MYH15: variants seen among roughly 807,000 people sequenced by gnomAD.
MYH15 encodes the protein myosin heavy chain 15, also known as myosin-15.
A neutral mutation model predicts 240.5 loss-of-function variants in MYH15; 227 were observed. That is an observed-to-expected ratio of 0.94 (90% CI 0.85 to 1.05). The LOEUF (loss-of-function observed/expected upper bound fraction) is 1.05, where lower values mean the gene tolerates loss of function less well. MYH15 is among the 50% of genes least tolerant of loss of function. MYH15 has a pLI of 0.00. For synonymous variants in MYH15, 785 were observed against 796.7 expected (o/e 0.99, Z 0.25); for missense variants, 2,217 against 2,247.5 (o/e 0.99, Z 0.27).
At chr3:108,548,798 T>C in the MYH15 span, among the ~76,000 whole-genome samples, 1 of 152,106 alleles carries the variant, frequency 6.6e-6, no homozygotes, top group Non-Finnish European at 1.5e-5. Context: ...AAGGTAGAAG[T>C]AGAAATTCAA....
intron 40 of MYH15, among the ~76,000 whole-genome samples, chr3:108,382,645 G>A (rs375785006): frequency 1.2e-4 from 18 of 152,272 alleles, no homozygotes; most frequent in Admixed American, 2.6e-4. Flanking sequence ...GAGGGAAGAC[G>A]TTTAAGATTG....
chr3:108,499,605 T>G (rs2083421261), intron 4 of MYH15, 123 bp from the exon 5 acceptor site: 3 of 944,106 alleles, frequency 3.2e-6, no homozygotes. Context: ...ATTAGCATCA[T>G]TTATAGTTAG....
chr3:108,491,972 G>C (rs1160012594), intron 9 of MYH15, among the ~76,000 whole-genome samples: 1 of 152,008 alleles, frequency 6.6e-6, no homozygotes, highest in Non-Finnish European at 1.5e-5. Flanking sequence ...CAGACACGGT[G>C]GTTCACACTT....
In MYH15 at chr3:108,505,681, G is replaced by C. The variant is rs571849441; in HGVS notation, c.195+42C>G. The C allele has an allele frequency of 4.5e-6, 5 of 1,101,044 alleles. No individual in the cohort carries two copies. In the East Asian group the frequency reaches 1.2e-4, roughly 27 times the overall value. The allele number at this position is 1,101,044 out of a possible 1,614,324, so 68.2% of individuals were successfully genotyped here. On this transcript the variant is annotated intron_variant, in intron 2 of 40. Coordinates refer to ENST00000693548, the MANE Select transcript of MYH15 (RefSeq NM_014981.3). The stretch of plus-strand genomic sequence containing the variant: ...AAATAATATATTTAGTTATTTGATA[G>C]AGAACATAGTCATCACTGCAATGAA...
At chr3:108,448,623 T>C (rs908762473) in intron 21 of MYH15, among the ~76,000 whole-genome samples, 2 of 151,930 alleles carry the variant, frequency 1.3e-5, no homozygotes, top group African/African-American at 4.8e-5. Context: ...ACAATGTAGG[T>C]ATAGAAGGAA....
chr3:108,513,653 TA>T (rs2107257659), upstream of MYH15, among the ~76,000 whole-genome samples: 1 of 152,236 alleles, frequency 6.6e-6, no homozygotes, highest in East Asian at 1.9e-4. Context: ...AAACTTAATC[TA>T]AGACTGACCC....
chr3:108,461,446 G>A (rs1262359589), intron 16 of MYH15, among the ~76,000 whole-genome samples: 1 of 152,088 alleles, frequency 6.6e-6, no homozygotes, highest in Admixed American at 6.6e-5. Flanking sequence ...TCAGAAACTT[G>A]GAGGCAAGTA....
rs1365872682 is a variant in MYH15 at position 108,439,760 on chromosome 3, T to G, written c.3052A>C (p.Lys1018Gln). ...KLSSLSKANL[K>Q]LEQQVDELEG... ...ACCTCATCAACTTGCTGTTCCAGCT[T>G]CAGATTTGCTTTGCTCAGGCTGCTG... Residue 1018 changes from lysine (K) to glutamine (Q), a missense_variant, in exon 24 of 41, where the codon AAG becomes CAG. Lys to Gln is a moderately conservative substitution (Grantham distance 53, BLOSUM62 1). Transcript: ENST00000693548. 3 of 1,605,454 alleles carry G rather than the reference T, an allele frequency of 1.9e-6. No individual in the cohort carries two copies. The highest frequency in any genetic ancestry group is 1.1e-5 in the South Asian group (1 of 89,376).
intron 7 of MYH15, among the ~76,000 whole-genome samples, chr3:108,495,279 T>C (rs1576268720): frequency 6.6e-6 from 1 of 152,256 alleles, no homozygotes; most frequent in Middle Eastern, 3.4e-3. Context: ...AAAAGCTACT[T>C]AAAAATACTT....
At chr3:108,533,674 G>A (rs1468915027), upstream of MYH15, among the ~76,000 whole-genome samples, 1 of 152,158 alleles carries the variant, frequency 6.6e-6, no homozygotes, top group Non-Finnish European at 1.5e-5. Context: ...GACTGCATAA[G>A]ACCTTAATCA....
chr3:108,483,207 A>C (rs2107594656), intron 11 of MYH15, among the ~76,000 whole-genome samples: 1 of 151,786 alleles, frequency 6.6e-6, no homozygotes, highest in African/African-American at 2.4e-5. Flanking sequence ...CTCCATAAAA[A>C]AAAAAAAAAA....
rs2082615631 is a variant in MYH15 at position 108,414,164 on chromosome 3, CAG to C, written c.4145+66_4145+67del. 3.3e-6 allele frequency: 5 copies of C among 1,509,362 alleles called. No homozygotes were observed. The South Asian group carries it at 4.8e-5, about 15-fold the overall frequency. The allele number at this position is 1,509,362 out of a possible 1,614,324, so 93.5% of individuals were successfully genotyped here. On this transcript the variant is annotated intron_variant, in intron 30 of 40. Transcript: ENST00000693548. The stretch of plus-strand genomic sequence containing the variant: ...AGTGCATACCATGAGGCCTTGGAGA[CAG>C]AGTCATTATTCTCATACTGCTCCAT...
At chr3:108,524,556 C>T (rs947126874) in intron 1 of MYH15, among the ~76,000 whole-genome samples, 1 of 151,710 alleles carries the variant, frequency 6.6e-6, no homozygotes, top group Non-Finnish European at 1.5e-5. Flanking sequence ...TTAAATATGC[C>T]TATCTTTTCT....
At chr3:108,438,555 G>A (rs998138065) in intron 24 of MYH15, among the ~76,000 whole-genome samples, 4 of 152,178 alleles carry the variant, frequency 2.6e-5, no homozygotes, top group African/African-American at 9.7e-5. Context: ...TGATGGTGTT[G>A]GGAGGTGGGC....
chr3:108,540,949 C>G, the MYH15 span, among the ~76,000 whole-genome samples: 1 of 151,748 alleles, frequency 6.6e-6, no homozygotes, highest in South Asian at 2.1e-4. Flanking sequence ...TTTATGAATA[C>G]AATGAACATA....
chr3:108,408,484 C>G, intron 31 of MYH15, 80 bp from the exon 32 acceptor site: 1 of 1,413,448 alleles, frequency 7.1e-7, no homozygotes, highest in Non-Finnish European at 9.5e-7. Flanking sequence ...ACAGATTCTT[C>G]CAGCCCACTG....
chr3:108,470,748 T>C lies in MYH15; in HGVS notation c.1333A>G (p.Arg445Gly). ...TCAAGAATGCCAATGAAGAACTGCC[T>C]TGACAGCTTGGCATCCAGGGCCCTG... ...INRALDAKLS[R>G]QFFIGILDIT... Residue 445 changes from arginine to glycine, a missense_variant, in exon 13 of 41, where the codon AGG (arginine) becomes GGG (glycine). Arg to Gly is a moderately radical substitution (Grantham distance 125). Coordinates refer to ENST00000693548, the MANE Select transcript of MYH15 (RefSeq NM_014981.3). The C allele has an allele frequency of 1.9e-6, 3 of 1,613,886 alleles. No individual in the cohort carries two copies. Among genetic ancestry groups the C allele is most frequent in the Non-Finnish European group, 2.5e-6 (3 of 1,179,890 alleles).
intron 31 of MYH15, 73 bp downstream of exon 31, chr3:108,410,510 C>T: frequency 2.8e-6 from 3 of 1,062,790 alleles, no homozygotes; most frequent in South Asian, 4.3e-5. Flanking sequence ...ATGCTGAAGA[C>T]AGCCTTGCCT....
intron 1 of MYH15, among the ~76,000 whole-genome samples, chr3:108,522,187 G>A (rs2083624654): frequency 6.6e-6 from 1 of 152,038 alleles, no homozygotes; most frequent in Admixed American, 6.6e-5. Context: ...GAAGATGGTG[G>A]AAAGACAGAG....
Sources: gnomAD v4.1 joint callset for allele counts (sites outside exome capture counted in the v4.1 genomes callset) on GRCh38, gnomAD v4.1.1 for gene constraint, MANE v1.5 for transcripts, NCBI Gene and HGNC (gene_info 2026-07-23, HGNC 2026-07-21) for gene names.